Variants in NCR1 observed in about 807,000 individuals in gnomAD.
The protein encoded by NCR1 is NK cell-activating receptor.
Under a neutral mutation model 32.5 loss-of-function variants are expected in NCR1, and 30 were observed. The ratio of observed to expected loss-of-function variants is 0.92; its 90% CI spans 0.69 to 1.25. The LOEUF is 1.25. Among genes scored for constraint, NCR1 ranks in the 50% most tolerant of loss-of-function variants. The pLI is 0.00. For synonymous variants in NCR1, 169 were observed against 143.4 expected, an observed-to-expected ratio of 1.18 and a Z score of -1.28; for missense variants, 369 against 380.7, an observed-to-expected ratio of 0.97 and a Z score of 0.26.
At chr19:54,899,269 A>G in the NCR1 span, among the ~76,000 whole-genome samples, 7 of 152,188 alleles carry the variant, frequency 4.6e-5, no homozygotes, top group African/African-American at 1.4e-4. Flanking sequence ...GGGGTCAAGC[A>G]GCATTGCAGA....
intron 4 of NCR1, 151 bp downstream of exon 4, chr19:54,909,674 AAGG>A: frequency 2.1e-6 from 2 of 964,832 alleles, no homozygotes; most frequent in Non-Finnish European, 3.0e-6. Flanking sequence ...CAGAAGCAGG[AAGG>A]AGGAGGGAAC....
intron 3 of NCR1, among the ~76,000 whole-genome samples, chr19:54,908,111 C>T (rs868622914): frequency 0.019 from 2,899 of 151,848 alleles, 83 homozygotes; most frequent in African/African-American, 0.066. Flanking sequence ...AGGTCTCTGG[C>T]TTTCCTAGGC....
rs145090790 is a variant in NCR1 at position 54,910,023 on chromosome 19, A to G, written c.640A>G (p.Ile214Val). The G allele has an allele frequency of 1.9e-6, 3 of 1,613,382 alleles. No homozygotes were observed. The highest frequency in any genetic ancestry group is 2.2e-5 in the East Asian group (1 of 44,842). ...TTCTTTATCTCCTTTTCCAGGCGACATTGAGAACACCAGCCTTGCACCTGA... is the reference window on the plus strand; with the variant it reads ...TTCTTTATCTCCTTTTCCAGGCGACGTTGAGAACACCAGCCTTGCACCTGA... Reference protein sequence around the residue: ...EPVKLLVTGDIENTSLAPEDP... With the variant: ...EPVKLLVTGDVENTSLAPEDP... The change falls in exon 5 of 7, where the codon ATT becomes GTT. Residue 214 changes from isoleucine to valine, a missense_variant. Physicochemically the swap from Ile to Val is conservative, Grantham distance 29. Coordinates refer to ENST00000291890, the MANE Select transcript of NCR1 (RefSeq NM_004829.7).
chr19:54,915,882 A>C (rs1292142302), downstream of NCR1: 3 of 150,790 alleles, frequency 2.0e-5, no homozygotes, highest in East Asian at 3.9e-4. Flanking sequence ...CAGTCTTTTC[A>C]GTATCTGCTT....
At chr19:54,916,863 C>A (rs369889246), downstream of NCR1, among the ~76,000 whole-genome samples, 8 of 151,360 alleles carry the variant, frequency 5.3e-5, no homozygotes, top group East Asian at 9.7e-4. Flanking sequence ...CCGCGCCCAG[C>A]CAGAAGACCC....
chr19:54,933,733 T>C, the NCR1 span: 1 of 1,613,832 alleles, frequency 6.2e-7, no homozygotes, highest in Admixed American at 1.7e-5. Flanking sequence ...GACGACAGTT[T>C]TCCAACCTGC....
chr19:54,925,992 G>C, the NCR1 span, among the ~76,000 whole-genome samples: 1 of 151,070 alleles, frequency 6.6e-6, no homozygotes, highest in Non-Finnish European at 1.5e-5. Flanking sequence ...AGAGACTGGA[G>C]TCTCTGTCTC....
chr19:54,915,204 C>T (rs1022058104), downstream of NCR1, among the ~76,000 whole-genome samples: 28 of 152,048 alleles, frequency 1.8e-4, no homozygotes, highest in African/African-American at 6.5e-4. Context: ...GCAACTATAA[C>T]GGGGTTCTCG....
the NCR1 span, chr19:54,930,500 G>A: frequency 1.8e-5 from 28 of 1,599,180 alleles, no homozygotes; most frequent in African/African-American, 1.7e-4. Flanking sequence ...ATCGCCTACC[G>A]TAGGTGTTTT....
chr19:54,912,737 C>A lies in NCR1; in HGVS notation c.781C>A (p.Leu261Met). ...TGCCCAGAATCTCCTTCGGATGGGC[C>A]TGGCCTTTCTAGTCCTGGTGGCTCT... ...HTAQNLLRMG[L>M]AFLVLVALVW... Residue 261 changes from leucine (L) to methionine (M), a missense_variant, in exon 7 of 7, where the codon CTG becomes ATG. Physicochemically the swap from Leu to Met is conservative, Grantham distance 15. Coordinates refer to ENST00000291890, the MANE Select transcript of NCR1 (RefSeq NM_004829.7). 6.2e-7 allele frequency: 1 copy of A among 1,613,844 alleles called. No individual in the cohort carries two copies. Among genetic ancestry groups the A allele is most frequent in the Non-Finnish European group, 8.5e-7 (1 of 1,179,928 alleles).
the NCR1 span, chr19:54,923,363 C>A: frequency 2.8e-6 from 1 of 354,434 alleles, no homozygotes; most frequent in Non-Finnish European, 5.4e-6. Context: ...AGATAGTAGA[C>A]CACATGGCGC....
rs886348557 is a variant in NCR1, at chr19:54,906,815, T to C, written c.355+8T>C. ...TGGATCTGGTGGTAACAGGTAACTGTCCGGTTCTCTAACTGGAGAGTGATC... is the reference window on the plus strand; with the variant it reads ...TGGATCTGGTGGTAACAGGTAACTGCCCGGTTCTCTAACTGGAGAGTGATC... On this transcript the variant is annotated splice_region_variant and intron_variant, in intron 3 of 6. Transcript: ENST00000291890. 1 of 1,613,136 alleles carries C rather than the reference T, an allele frequency of 6.2e-7. No individual in the cohort carries two copies. Among genetic ancestry groups the C allele is most frequent in the Admixed American group, 1.7e-5 (1 of 59,968 alleles).
At chr19:54,930,120 A>G in the NCR1 span, among the ~76,000 whole-genome samples, 2 of 149,710 alleles carry the variant, frequency 1.3e-5, no homozygotes, top group Non-Finnish European at 3.0e-5. Context: ...CGTCTCAAAA[A>G]AAAAAAAAAA....
chr19:54,904,196 A>G (rs1005614682), upstream of NCR1, among the ~76,000 whole-genome samples: 1 of 151,824 alleles, frequency 6.6e-6, no homozygotes, highest in Non-Finnish European at 1.5e-5. Context: ...AGTTCTTTAA[A>G]TGAAAAGCTT....
At chr19:54,924,533 A>T in the NCR1 span, among the ~76,000 whole-genome samples, 2 of 152,206 alleles carry the variant, frequency 1.3e-5, no homozygotes, top group Non-Finnish European at 2.9e-5. Context: ...CGGAGGCAAG[A>T]GGATCACTTG....
At chr19:54,899,693 A>G in the NCR1 span, among the ~76,000 whole-genome samples, 1 of 151,810 alleles carries the variant, frequency 6.6e-6, no homozygotes, top group African/African-American at 2.4e-5. Flanking sequence ...AGGGGTAGAG[A>G]CACAGAGAAG....
the NCR1 span, chr19:54,927,870 T>G: frequency 9.4e-7 from 1 of 1,059,018 alleles, no homozygotes; most frequent in Non-Finnish European, 1.5e-6. Context: ...GGCGGGTGGA[T>G]CACTTGAGGC....
Position 54,912,986 on chromosome 19 carries a change from G to A in NCR1, c.*115G>A, listed in dbSNP as rs528336629. 3 of 939,042 alleles carry A rather than the reference G, an allele frequency of 3.2e-6. No individual in the cohort carries two copies. Among genetic ancestry groups the A allele is most frequent in the African/African-American group, 3.3e-5 (2 of 60,778 alleles). 58.2% of individuals were successfully genotyped at this position (939,042 alleles called of 1,614,324 possible). A position where few individuals can be genotyped will look rare whatever the true frequency, so the allele number is the denominator to read the frequency against. On this transcript the variant is annotated 3_prime_UTR_variant, in exon 7 of 7. Transcript: ENST00000291890. ...GAGGGAGTCACTGCAGGGAAAGAGG[G>A]ACACTGGCATTCCATTTGTCAGAGC...
At chr19:54,906,842 C>T (rs368722942) in intron 3 of NCR1, 35 bp downstream of exon 3, 25 of 1,607,722 alleles carry the variant, frequency 1.6e-5, no homozygotes, top group Non-Finnish European at 2.1e-5. Flanking sequence ...AGAGTGATCT[C>T]AGTCTGCATC....
Sources: allele counts gnomAD v4.1 joint callset (sites outside exome capture counted in the v4.1 genomes callset), GRCh38; gene constraint gnomAD v4.1.1; transcripts MANE v1.5; gene names NCBI Gene and HGNC (gene_info 2026-07-23, HGNC 2026-07-21).